The following FANCM variants were observed in gnomAD, a reference collection of about 807,000 sequenced individuals.
FANCM encodes the protein FA complementation group M, also known as Fanconi anemia group M protein.
Under a neutral mutation model 199.5 loss-of-function variants are expected in FANCM, and 140 were observed. That is an observed-to-expected ratio of 0.70 (90% CI 0.61 to 0.81). The LOEUF (loss-of-function observed/expected upper bound fraction) is 0.81. FANCM is among the 30% of genes least tolerant of loss of function. The probability of loss-of-function intolerance (pLI) is 0.00; values close to 1 mark genes in which losing one functional copy is unlikely to be tolerated. For missense variants in FANCM, 2,410 were observed against 2,421.4 expected (o/e 1.00, Z 0.10); for synonymous variants, 840 against 836.8 (o/e 1.00, Z -0.07).
At chr14:45,143,763 G>A (rs1226107527) in intron 3 of FANCM, among the ~76,000 whole-genome samples, 1 of 145,868 alleles carries the variant, frequency 6.9e-6, no homozygotes, top group Non-Finnish European at 1.5e-5. Flanking sequence ...GCGCGATCTC[G>A]GCTCACTGCA....
chr14:45,150,857 A>G (rs1180108852), intron 4 of FANCM, among the ~76,000 whole-genome samples: 1 of 152,222 alleles, frequency 6.6e-6, no homozygotes, highest in African/African-American at 2.4e-5. Context: ...TGACAAATAA[A>G]GTCTTAGCCA....
intron 9 of FANCM, among the ~76,000 whole-genome samples, chr14:45,160,937 A>G (rs930556483): frequency 6.6e-6 from 1 of 152,054 alleles, no homozygotes; most frequent in African/African-American, 2.4e-5. Context: ...TCTGAAAATA[A>G]TACTTTTGCC....
intron 8 of FANCM, among the ~76,000 whole-genome samples, chr14:45,157,530 C>T (rs1241333196): frequency 6.6e-6 from 1 of 152,012 alleles, no homozygotes; most frequent in Non-Finnish European, 1.5e-5. Flanking sequence ...TAAAAAGTGT[C>T]GATTGAACTT....
At chr14:45,164,257 A>C in intron 9 of FANCM, 102 bp from the exon 10 acceptor site, 1 of 972,368 alleles carries the variant, frequency 1.0e-6, no homozygotes. Flanking sequence ...GCTGATTTTT[A>C]ATCTGATTTT....
At chr14:45,182,150 T>C (rs1889112137) in intron 16 of FANCM, among the ~76,000 whole-genome samples, 1 of 152,170 alleles carries the variant, frequency 6.6e-6, no homozygotes, top group Non-Finnish European at 1.5e-5. Context: ...TTAACCTCGA[T>C]CTCGGGAGTT....
Position 45,176,349 on chromosome 14 carries a change from A to C in FANCM, c.3595A>C (p.Asn1199His). ...CCAAGATCAAATCACCCGTGATGCT[A>C]ATAGTTTTAAATCTCGTGATCAGAG... ...ELQDQITRDA[N>H]SFKSRDQRGV... Residue 1199 changes from asparagine to histidine, a missense_variant, in exon 14 of 23, where the codon AAT (asparagine) becomes CAT (histidine). Coordinates refer to ENST00000267430, the MANE Select transcript of FANCM (RefSeq NM_020937.4). 6.2e-7 allele frequency: 1 copy of C among 1,613,604 alleles called. No individual in the cohort carries two copies.
At position 45,146,178 on chromosome 14, in the gene FANCM, T is replaced by C. The variant is rs978006546; in HGVS notation, c.760-2659T>C. On this transcript the variant is annotated intron_variant, in intron 3 of 22. Transcript: ENST00000267430. ...ATGGCGTGAACCCGGGAGGCAGAGC[T>C]TGCAGTGAGCCGAGATCATGGCATG... is the stretch of plus-strand genomic sequence containing the variant. 1.9e-4 allele frequency among the ~76,000 whole-genome samples: 28 copies of C among 150,026 alleles called. No homozygotes were observed. Among genetic ancestry groups the C allele is most frequent in the Non-Finnish European group, 3.4e-4 (23 of 67,748 alleles).
At chr14:45,178,118 G>A (rs1047257190) in intron 14 of FANCM, among the ~76,000 whole-genome samples, 2 of 152,176 alleles carry the variant, frequency 1.3e-5, no homozygotes, top group Non-Finnish European at 2.9e-5. Context: ...CATTTCCTCT[G>A]TAAATCTTTT....
At chr14:45,174,553 C>T (rs1223488683) in intron 13 of FANCM, among the ~76,000 whole-genome samples, 1 of 152,058 alleles carries the variant, frequency 6.6e-6, no homozygotes, top group Non-Finnish European at 1.5e-5. Flanking sequence ...CTATACGAAT[C>T]CTTGATTAGG....
In FANCM at chr14:45,176,675, T is replaced by C. The variant is rs764339843; in HGVS notation, c.3921T>C (p.Tyr1307=). 4 of 1,613,732 alleles carry C rather than the reference T, an allele frequency of 2.5e-6. No individual in the cohort carries two copies. Among genetic ancestry groups the C allele is most frequent in the East Asian group, 2.2e-5 (1 of 44,806 alleles). Residue 1307 remains tyrosine, a synonymous_variant, in exon 14 of 23, where the codon TAT becomes TAC. Transcript: ENST00000267430. ...PSNEDMQNPN[Y]VHLPLSAAKN... ...ATGAAGATATGCAGAATCCAAATTA[T>C]GTACATTTGCCACTGAGTGCAGCAA...
intron 1 of FANCM, among the ~76,000 whole-genome samples, chr14:45,136,827 C>G (rs1269117424): frequency 1.3e-5 from 2 of 152,192 alleles, no homozygotes; most frequent in African/African-American, 2.4e-5. Flanking sequence ...GAATTTGCCT[C>G]TCTTCAAATA....
At chr14:45,167,190 G>A (rs771515789) in intron 11 of FANCM, 27 bp downstream of exon 11, 1 of 1,335,094 alleles carries the variant, frequency 7.5e-7, no homozygotes, top group South Asian at 1.2e-5. Flanking sequence ...TTTGACACAT[G>A]CATTTTTCCC....
intron 3 of FANCM, among the ~76,000 whole-genome samples, chr14:45,146,240 GAA>G (rs143430263): frequency 4.3e-5 from 4 of 93,182 alleles, no homozygotes; most frequent in African/African-American, 4.1e-5. Flanking sequence ...GACTCCGTCT[GAA>G]AAAAAAAAAA....
At chr14:45,147,018 A>T (rs1396255826) in intron 3 of FANCM, among the ~76,000 whole-genome samples, 2 of 152,018 alleles carry the variant, frequency 1.3e-5, no homozygotes, top group East Asian at 1.9e-4. Context: ...GAATGTAGGG[A>T]TTATGCCGAT....
rs776419214 is a variant in FANCM, at chr14:45,183,762, G to A, written c.4387-12G>A. On this transcript the variant is annotated splice_polypyrimidine_tract_variant and intron_variant, in intron 16 of 22. Coordinates refer to ENST00000267430, the MANE Select transcript of FANCM (RefSeq NM_020937.4). The stretch of plus-strand genomic sequence containing the variant: ...TTTTTTCTTATGCAAGAATTTTGTC[G>A]AATTATTATAGTCAGAATTATCATC... 6.3e-6 allele frequency: 10 copies of A among 1,599,102 alleles called. No individual in the cohort carries two copies. Among genetic ancestry groups the A allele is most frequent in the East Asian group, 2.2e-5 (1 of 44,558 alleles).
intron 1 of FANCM, 84 bp from the exon 2 acceptor site, chr14:45,136,985 T>G: frequency 9.8e-7 from 1 of 1,020,566 alleles, no homozygotes; most frequent in East Asian, 2.4e-5. Context: ...CAAAGCATGT[T>G]TGCATTCTGA....
chr14:45,159,443 G>A (rs1012229133), intron 9 of FANCM, among the ~76,000 whole-genome samples, 163 bp downstream of exon 9: 1 of 151,318 alleles, frequency 6.6e-6, no homozygotes, highest in Non-Finnish European at 1.5e-5. Context: ...GATAACAAAT[G>A]TTTTATGTGG....
Position 45,196,189 on chromosome 14 carries a change from G to A in FANCM, c.5358G>A (p.Glu1786=), listed in dbSNP as rs1352281973. ...TTTTTCAGGATGGTAGTGCTTTGGA[G>A]GATTCTAGCACTTCAGGGGCATCCT... is the stretch of plus-strand genomic sequence containing the variant. ...PVPQKDGSAL[E]DSSTSGASCS... Residue 1786 remains glutamate, a synonymous_variant, in exon 21 of 23, where the codon GAG becomes GAA. Coordinates refer to ENST00000267430, the MANE Select transcript of FANCM (RefSeq NM_020937.4). 1 of 1,614,096 alleles carries A rather than the reference G, an allele frequency of 6.2e-7. No individual in the cohort carries two copies. Among genetic ancestry groups the A allele is most frequent in the African/African-American group, 1.3e-5 (1 of 75,032 alleles).
At chr14:45,189,423 T>A (rs544200271) in intron 20 of FANCM, 61 bp downstream of exon 20, 4 of 1,342,204 alleles carry the variant, frequency 3.0e-6, no homozygotes, top group Non-Finnish European at 4.3e-6. Flanking sequence ...TCTTTTTCTT[T>A]CTTGTGTGTG....
Sources: allele counts gnomAD v4.1 joint callset (sites outside exome capture counted in the v4.1 genomes callset), GRCh38; gene constraint gnomAD v4.1.1; transcripts MANE v1.5; gene names NCBI Gene and HGNC (gene_info 2026-07-23, HGNC 2026-07-21).